Variants in MEIS2 observed in about 807,000 individuals in gnomAD.
MEIS2 encodes the protein Meis homeobox 2.
Under a neutral mutation model 58.6 loss-of-function variants are expected in MEIS2, and 9 were observed. The observed-to-expected ratio is 0.15, with a 90% CI of 0.09 to 0.27. The LOEUF (loss-of-function observed/expected upper bound fraction) is 0.27. MEIS2 is among the 10% of genes least tolerant of loss of function. MEIS2 has a pLI of 1.00. For missense variants in MEIS2, 427 were observed against 635.0 expected, an observed-to-expected ratio of 0.67 and a Z score of 3.52; for synonymous variants, 221 against 228.4, an observed-to-expected ratio of 0.97 and a Z score of 0.29.
chr15:37,077,186 C>A (rs1228617819), intron 7 of MEIS2, among the ~76,000 whole-genome samples: 1 of 152,042 alleles, frequency 6.6e-6, no homozygotes, highest in Non-Finnish European at 1.5e-5. Flanking sequence ...CATATAAATA[C>A]CCTGATCCGT....
chr15:37,047,913 T>C (rs1484968334), intron 7 of MEIS2, among the ~76,000 whole-genome samples: 1 of 152,250 alleles, frequency 6.6e-6, no homozygotes, highest in Non-Finnish European at 1.5e-5. Flanking sequence ...TAAATAGCTG[T>C]TATTCTGTTT....
chr15:37,035,306 A>G (rs2062107768), intron 8 of MEIS2, among the ~76,000 whole-genome samples: 2 of 152,256 alleles, frequency 1.3e-5, no homozygotes, highest in African/African-American at 4.8e-5. Flanking sequence ...AGCAAAGAAC[A>G]GCTGTGAAGT....
intron 8 of MEIS2, among the ~76,000 whole-genome samples, chr15:36,991,938 C>T (rs903141999): frequency 6.7e-6 from 1 of 149,586 alleles, no homozygotes; most frequent in African/African-American, 2.4e-5. Flanking sequence ...CAGGCGCCTG[C>T]CACTACGCCC....
At chr15:37,021,340 C>T (rs2061520464) in intron 8 of MEIS2, among the ~76,000 whole-genome samples, 2 of 152,292 alleles carry the variant, frequency 1.3e-5, no homozygotes, top group East Asian at 1.9e-4. Context: ...CTTTCCTCTT[C>T]ACAGTTGTTG....
chr15:37,062,779 GT>G (rs920804175), intron 7 of MEIS2, among the ~76,000 whole-genome samples: 1 of 152,284 alleles, frequency 6.6e-6, no homozygotes, highest in Admixed American at 6.5e-5. Context: ...TGTGCCATAT[GT>G]TTTTGGAATG....
chr15:36,946,266 T>G lies in MEIS2; in HGVS notation c.977+4058A>C, dbSNP rs372057296. 3.8e-3 allele frequency among the ~76,000 whole-genome samples: 577 copies of G among 152,048 alleles called. 2 individuals are homozygous for G. Among genetic ancestry groups the G allele is most frequent in the Non-Finnish European group, 5.9e-3 (401 of 67,896 alleles). Reference sequence around the variant, plus strand: ...CATTTAAAAAATAACCTTCTTTGTCTTTTGTCAATAAATGCTTATAAGTAT... The same window carrying G: ...CATTTAAAAAATAACCTTCTTTGTCGTTTGTCAATAAATGCTTATAAGTAT... On this transcript the variant is annotated intron_variant, in intron 9 of 11. Coordinates refer to ENST00000561208, the MANE Select transcript of MEIS2 (RefSeq NM_170675.5).
chr15:37,031,815 T>TTGTGTGTGTG (rs66770353), intron 8 of MEIS2, among the ~76,000 whole-genome samples: 152 of 134,198 alleles, frequency 1.1e-3, no homozygotes, highest in Middle Eastern at 8.5e-3. Context: ...TTACATCACT[T>TTGTGTGTGTG]TGTGTGTGTG....
At chr15:36,978,011 A>G (rs915721578) in intron 8 of MEIS2, among the ~76,000 whole-genome samples, 3 of 152,242 alleles carry the variant, frequency 2.0e-5, no homozygotes, top group African/African-American at 4.8e-5. Context: ...CACATGTTCT[A>G]CAAGGACATA....
intron 8 of MEIS2, among the ~76,000 whole-genome samples, chr15:37,010,021 T>G (rs1305647361): frequency 2.0e-5 from 3 of 152,192 alleles, no homozygotes; most frequent in Non-Finnish European, 2.9e-5. Flanking sequence ...CCCCATTTGA[T>G]GTGTTCTAAC....
At chr15:36,960,726 A>T (rs2141427496) in intron 8 of MEIS2, among the ~76,000 whole-genome samples, 1 of 152,206 alleles carries the variant, frequency 6.6e-6, no homozygotes, top group Middle Eastern at 3.4e-3. Context: ...AAAACAGCTG[A>T]TATTTTTTCT....
At chr15:36,970,273 G>A (rs1719908) in intron 8 of MEIS2, among the ~76,000 whole-genome samples, 20 of 151,802 alleles carry the variant, frequency 1.3e-4, no homozygotes, top group East Asian at 7.8e-4. Context: ...GCGTGGTGGC[G>A]GGCGCCTGTA....
In MEIS2 at chr15:36,891,832, TA is replaced by T. The variant is rs2055875026; in HGVS notation, c.*340del. The T allele has an allele frequency of 6.4e-6, 2 of 312,892 alleles. No individual in the cohort carries two copies. Among genetic ancestry groups the T allele is most frequent in the South Asian group, 8.1e-5 (2 of 24,550 alleles). 19.4% of individuals were successfully genotyped at this position (312,892 alleles called of 1,614,324 possible). A position where few individuals can be genotyped will look rare whatever the true frequency, so the allele number is the denominator to read the frequency against. ...ACACATAGTGTGGAAAACAAGGATA[TA>T]TTTTTTTTTCTCTTCTAAAACTATT... On this transcript the variant is annotated 3_prime_UTR_variant, in exon 12 of 12. Transcript: ENST00000561208.
chr15:36,998,858 G>T (rs934518548), intron 8 of MEIS2, among the ~76,000 whole-genome samples: 3 of 152,190 alleles, frequency 2.0e-5, no homozygotes, highest in Non-Finnish European at 4.4e-5. Flanking sequence ...AAGCCTGGAA[G>T]ATTAAGCAAA....
At chr15:36,903,093 A>C (rs111910839) in intron 9 of MEIS2, among the ~76,000 whole-genome samples, 7 of 152,304 alleles carry the variant, frequency 4.6e-5, no homozygotes, top group African/African-American at 1.7e-4. Flanking sequence ...AATATTTGAG[A>C]AATTTCCCCT....
intron 8 of MEIS2, among the ~76,000 whole-genome samples, chr15:36,992,599 A>G (rs1158074781): frequency 3.3e-5 from 5 of 152,176 alleles, no homozygotes. Flanking sequence ...CTTGGCCCAC[A>G]TGGTTCTCTC....
At chr15:36,984,428 G>A (rs1175830046) in intron 8 of MEIS2, among the ~76,000 whole-genome samples, 1 of 152,028 alleles carries the variant, frequency 6.6e-6, no homozygotes, top group Non-Finnish European at 1.5e-5. Flanking sequence ...ATCCTTGCAT[G>A]CCAAGGATAA....
chr15:37,010,946 T>C (rs2061129132), intron 8 of MEIS2, among the ~76,000 whole-genome samples: 1 of 152,244 alleles, frequency 6.6e-6, no homozygotes. Flanking sequence ...GTCATTCTTA[T>C]CATATCTCCT....
intron 8 of MEIS2, among the ~76,000 whole-genome samples, chr15:36,982,734 T>A (rs976363726): frequency 6.6e-6 from 1 of 152,180 alleles, no homozygotes; most frequent in Non-Finnish European, 1.5e-5. Context: ...TTCATACTAT[T>A]TTCCATAATG....
intron 7 of MEIS2, among the ~76,000 whole-genome samples, chr15:37,056,588 G>A (rs1268343965): frequency 1.3e-5 from 2 of 152,192 alleles, no homozygotes; most frequent in Non-Finnish European, 2.9e-5. Context: ...ACATGTCCCG[G>A]AGGCAGGGAA....
Sources: allele counts gnomAD v4.1 joint callset (sites outside exome capture counted in the v4.1 genomes callset), GRCh38; gene constraint gnomAD v4.1.1; transcripts MANE v1.5; gene names NCBI Gene and HGNC (gene_info 2026-07-23, HGNC 2026-07-21).